Variants in MORC3 observed in about 807,000 individuals in gnomAD.
MORC3 encodes MORC family CW-type zinc finger protein 3.
Under a neutral mutation model 109.1 loss-of-function variants are expected in MORC3, and 31 were observed. That is an observed-to-expected ratio of 0.28 (90% confidence interval 0.21 to 0.38). The LOEUF (loss-of-function observed/expected upper bound fraction) is 0.38. Among genes scored for constraint, MORC3 ranks in the 10% least tolerant of loss-of-function variants. The probability of loss-of-function intolerance (pLI) is 1.00; values close to 1 mark genes in which losing one functional copy is unlikely to be tolerated. For missense variants in MORC3, 867 were observed against 1,135.8 expected (o/e 0.76, Z 3.40); for synonymous variants, 395 against 380.7 (o/e 1.04, Z -0.44).
At chr21:36,329,882 G>T (rs1601510278) in intron 1 of MORC3, among the ~76,000 whole-genome samples, 3 of 149,972 alleles carry the variant, frequency 2.0e-5, no homozygotes, top group East Asian at 3.9e-4. Context: ...TTGTTTTTGA[G>T]ACGGAGTTTC....
At chr21:36,368,375 C>T (rs1424732330) in intron 14 of MORC3, among the ~76,000 whole-genome samples, 1 of 152,138 alleles carries the variant, frequency 6.6e-6, no homozygotes, top group Non-Finnish European at 1.5e-5. Context: ...GGGTAGCATT[C>T]TGTTCTGGAA....
intron 13 of MORC3, among the ~76,000 whole-genome samples, chr21:36,362,846 A>G (rs1444605375): frequency 1.3e-5 from 2 of 152,066 alleles, no homozygotes; most frequent in African/African-American, 4.8e-5. Flanking sequence ...ACATCATTCA[A>G]ACTGTTAGTT....
chr21:36,353,937 G>T (rs979149030), intron 9 of MORC3, among the ~76,000 whole-genome samples: 2 of 151,228 alleles, frequency 1.3e-5, no homozygotes, highest in African/African-American at 4.9e-5. Context: ...CGGGCATGGT[G>T]GTGGGCACTT....
In MORC3 at chr21:36,339,547, A is replaced by T. The variant is rs1019320083; in HGVS notation, c.608+626A>T. ...AAAAAAGAAAAAAAGCAATGAGAAG[A>T]CAAATTCAGGAGGATAAATCTTTCT... On this transcript the variant is annotated intron_variant, in intron 5 of 16. Coordinates refer to ENST00000400485, the MANE Select transcript of MORC3 (RefSeq NM_015358.3). The T allele has an allele frequency of 2.6e-5, 4 of 151,746 alleles. No individual in the cohort carries two copies. In the East Asian group the frequency reaches 7.7e-4, roughly 29 times the overall value. 9.4% of individuals were successfully genotyped at this position (151,746 alleles called of 1,614,324 possible). A position where few individuals can be genotyped will look rare whatever the true frequency, so the allele number is the denominator to read the frequency against.
At chr21:36,373,040 T>C (rs2085887664) in intron 16 of MORC3, among the ~76,000 whole-genome samples, 1 of 152,164 alleles carries the variant, frequency 6.6e-6, no homozygotes. Context: ...GAAGAAGTCC[T>C]ATTAAAACAA....
rs201973544 is a variant in MORC3, at chr21:36,346,125, A to G, written c.1005+1094A>G. On this transcript the variant is annotated intron_variant, in intron 8 of 16. Coordinates refer to ENST00000400485, the MANE Select transcript of MORC3 (RefSeq NM_015358.3). Reference sequence around the variant, plus strand: ...AACCTCCACCTCCCTGGTTCAAGCGATTCTCGGGCCTTAGCCTCCCAAGTA... The same window carrying G: ...AACCTCCACCTCCCTGGTTCAAGCGGTTCTCGGGCCTTAGCCTCCCAAGTA... Among the ~76,000 whole-genome samples, 108 of 152,190 alleles carry G rather than the reference A, an allele frequency of 7.1e-4. No individual in the cohort carries two copies. In the East Asian group the frequency reaches 0.019, roughly 27 times the overall value.
chr21:36,356,587 A>AT, intron 9 of MORC3, 33 bp from the exon 10 acceptor site: 2 of 1,063,920 alleles, frequency 1.9e-6, no homozygotes, highest in South Asian at 1.6e-5. Context: ...TTTGAAAAGA[A>AT]TTTTTTCTTG....
At chr21:36,341,650 T>C in intron 6 of MORC3, 104 bp downstream of exon 6, 7 of 1,477,580 alleles carry the variant, frequency 4.7e-6, no homozygotes, top group Non-Finnish European at 6.5e-6. Context: ...GCCAGTGCTC[T>C]CTAAATGAAA....
rs1190344471 is a variant in MORC3, at chr21:36,375,320, T to C, written c.*24T>C. 1 of 1,582,172 alleles carries C rather than the reference T, an allele frequency of 6.3e-7. No homozygotes were observed. The highest frequency in any genetic ancestry group is 1.3e-5 in the African/African-American group (1 of 74,148). ...AAAGTATATGTTATGTAAGATAAAA[T>C]ATTTGCTCAATTCTTTTGGTTGTAC... On this transcript the variant is annotated 3_prime_UTR_variant, in exon 17 of 17. Transcript: ENST00000400485.
At position 36,320,230 on chromosome 21, in the gene MORC3, G is replaced by C; in HGVS notation, c.-35G>C. 6.4e-7 allele frequency: 1 copy of C among 1,571,216 alleles called. No homozygotes were observed. Among genetic ancestry groups the C allele is most frequent in the Non-Finnish European group, 8.6e-7 (1 of 1,159,212 alleles). ...TCCGCCACCTCCCAGTCGGGTTGCG[G>C]CGGAGGCCGTTCCTGGCTTTGTAGC... On this transcript the variant is annotated 5_prime_UTR_variant, in exon 1 of 17. Transcript: ENST00000400485.
chr21:36,361,937 T>G, intron 12 of MORC3: 1 of 543,120 alleles, frequency 1.8e-6, no homozygotes, highest in Non-Finnish European at 3.3e-6. Context: ...GACTGAGTTA[T>G]CTGGTCTTAG....
chr21:36,343,755 C>T lies in MORC3; in HGVS notation c.757-824C>T, dbSNP rs551300601. On this transcript the variant is annotated intron_variant, in intron 6 of 16. Transcript: ENST00000400485. ...AGCCACCTTGCCTAGCCACTTTTTGCTTTATTTCTTGTGTTGATATTATTC... is the reference window on the plus strand; with the variant it reads ...AGCCACCTTGCCTAGCCACTTTTTGTTTTATTTCTTGTGTTGATATTATTC... Among the ~76,000 whole-genome samples, 9 of 151,976 alleles carry T rather than the reference C, an allele frequency of 5.9e-5. No individual in the cohort carries two copies. The East Asian group carries it at 1.6e-3, about 26-fold the overall frequency.
intron 1 of MORC3, among the ~76,000 whole-genome samples, chr21:36,327,561 A>G (rs1367549591): frequency 6.6e-6 from 1 of 151,386 alleles, no homozygotes; most frequent in Admixed American, 6.6e-5. Context: ...GGCCGAAAGA[A>G]AGCAGAAACA....
intron 14 of MORC3, among the ~76,000 whole-genome samples, chr21:36,367,917 T>C (rs925849519): frequency 2.6e-5 from 4 of 152,156 alleles, no homozygotes; most frequent in African/African-American, 7.2e-5. Flanking sequence ...GCAATAGACT[T>C]GAGAGAGAAA....
At position 36,361,903 on chromosome 21, in the gene MORC3, C is replaced by G. The variant is rs185357341; in HGVS notation, c.1407-280C>G. On this transcript the variant is annotated intron_variant, in intron 12 of 16. Transcript: ENST00000400485. ...CAAAAGAAAAAACCTATGTGATGTT[C>G]TAGTTCAAAAGCCTGTGATTCTGGA... 525 of 432,678 alleles carry G rather than the reference C, an allele frequency of 1.2e-3. 8 individuals carry two copies. Among genetic ancestry groups the G allele is most frequent in the Non-Finnish European group, 2.8e-4 (68 of 240,808 alleles). 26.8% of individuals were successfully genotyped at this position (432,678 alleles called of 1,614,324 possible).
intron 9 of MORC3, among the ~76,000 whole-genome samples, chr21:36,353,355 C>CAAAA (rs35837458): frequency 7.2e-5 from 4 of 55,650 alleles, no homozygotes; most frequent in African/African-American, 7.8e-5. Flanking sequence ...GACTCTGTCT[C>CAAAA]AAAAAAAAAA....
intron 1 of MORC3, among the ~76,000 whole-genome samples, chr21:36,322,290 T>G (rs1321080464): frequency 6.6e-6 from 1 of 152,184 alleles, no homozygotes; most frequent in African/African-American, 2.4e-5. Context: ...CGTTAAGAGA[T>G]AAAAATTAAT....
Position 36,369,600 on chromosome 21 carries a change from C to G in MORC3, c.2232C>G (p.Cys744Trp). 1 of 1,614,172 alleles carries G rather than the reference C, an allele frequency of 6.2e-7. No homozygotes were observed. The highest frequency in any genetic ancestry group is 8.5e-7 in the Non-Finnish European group (1 of 1,180,040). Residue 744 changes from cysteine (C) to tryptophan (W), a missense_variant, in exon 15 of 17, where the codon TGC becomes TGG. By Grantham distance (215) the Cys-to-Trp change is radical. Around this residue, in one of 7 missense-constraint regions of MORC3, gnomAD observed 486 missense variants for 502.1 expected, o/e 0.97. Transcript: ENST00000400485. ...ACAAGTATGTTAAGAAAGAAACTTG[C>G]CATCAGTCCACTGAAACCGATGCTG... ...MNDKYVKKET[C>W]HQSTETDAVF...
In MORC3 at chr21:36,369,756, A is replaced by G. The variant is rs1347882258; in HGVS notation, c.2388A>G (p.Glu796=). The change falls in exon 15 of 17, where the codon GAA becomes GAG. Residue 796 remains glutamate (E), a synonymous_variant. Coordinates refer to ENST00000400485, the MANE Select transcript of MORC3 (RefSeq NM_015358.3). ...GTGCTTTGCAACATGTAAAGGCTGA[A>G]TGCAGCCAGTGTTCCAATAATGAGA... ...QCSALQHVKA[E]CSQCSNNESK... 11 of 1,614,110 alleles carry G rather than the reference A, an allele frequency of 6.8e-6. No individual in the cohort carries two copies. Among genetic ancestry groups the G allele is most frequent in the African/African-American group, 1.3e-5 (1 of 74,942 alleles).
Sources: allele counts gnomAD v4.1 joint callset (sites outside exome capture counted in the v4.1 genomes callset), GRCh38; gene constraint gnomAD v4.1.1; regional missense constraint gnomAD v4.1.1; transcripts MANE v1.5; gene names NCBI Gene and HGNC (gene_info 2026-07-23, HGNC 2026-07-21).